Variants in SGCD observed in about 807,000 individuals in gnomAD.
SGCD encodes the protein delta-sarcoglycan.
A neutral mutation model predicts 36.6 loss-of-function variants in SGCD; 18 were observed. That is an observed-to-expected ratio of 0.49 (90% confidence interval 0.34 to 0.73). SGCD has a LOEUF of 0.73. Ranked by LOEUF, SGCD falls within the 30% of genes least tolerant of loss-of-function variation. The probability of loss-of-function intolerance (pLI) is 0.01; values close to 1 mark genes in which losing one functional copy is unlikely to be tolerated. For missense variants in SGCD, 387 were observed against 346.7 expected (o/e 1.12, Z -0.92); for synonymous variants, 133 against 130.6 (o/e 1.02, Z -0.12).
rs139747781 is a variant in SGCD at position 156,445,832 on chromosome 5, G to A, written c.193-62769G>A. ...CACACGCACATGCACACACACATAC[G>A]CACCCATGCACACACAAACACTGTG... On this transcript the variant is annotated intron_variant, in intron 3 of 8. Transcript: ENST00000337851. 1.5e-3 allele frequency among the ~76,000 whole-genome samples: 231 copies of A among 151,936 alleles called. 3 individuals are homozygous for A. The highest frequency in any genetic ancestry group is 5.0e-3 in the African/African-American group (206 of 41,440).
chr5:156,068,628 G>T (rs917290852), intron 1 of SGCD, among the ~76,000 whole-genome samples: 2 of 151,698 alleles, frequency 1.3e-5, no homozygotes, highest in Non-Finnish European at 2.9e-5. Flanking sequence ...AGTCCTTTGG[G>T]TATATACCCA....
intron 1 of SGCD, among the ~76,000 whole-genome samples, chr5:155,956,805 C>CT (rs1757664304): frequency 1.3e-5 from 2 of 150,682 alleles, no homozygotes; most frequent in African/African-American, 4.9e-5. Context: ...GGGCCCCCCC[C>CT]CCCGGTTAAT....
chr5:156,094,730 T>A (rs886627251), intron 1 of SGCD, among the ~76,000 whole-genome samples: 1 of 152,148 alleles, frequency 6.6e-6, no homozygotes, highest in Non-Finnish European at 1.5e-5. Flanking sequence ...TGGCTGGGCA[T>A]GGTGACTTAC....
intron 3 of SGCD, among the ~76,000 whole-genome samples, chr5:156,304,720 G>A (rs1767157270): frequency 6.6e-6 from 1 of 152,176 alleles, no homozygotes; most frequent in African/African-American, 2.4e-5. Flanking sequence ...ACTGGAAAAT[G>A]TGGGAAAGTT....
chr5:156,602,366 T>A (rs1254626234), intron 6 of SGCD, among the ~76,000 whole-genome samples: 3 of 152,182 alleles, frequency 2.0e-5, no homozygotes, highest in African/African-American at 7.2e-5. Flanking sequence ...GTGGAATCTT[T>A]AGGGTTTTCC....
intron 3 of SGCD, among the ~76,000 whole-genome samples, chr5:156,214,870 C>A (rs1001853247): frequency 6.6e-6 from 1 of 151,994 alleles, no homozygotes; most frequent in African/African-American, 2.4e-5. Context: ...TCAATAAATT[C>A]TGTTGGGATA....
rs570082551 is a variant in SGCD, at chr5:156,465,591, C to T, written c.193-43010C>T. ...ATTCATGATCTTCTACCCTGGAGGC[C>T]GCCTCCAAGAGCATCTCTCTTTCAT... On this transcript the variant is annotated intron_variant, in intron 3 of 8. Transcript: ENST00000337851. Among the ~76,000 whole-genome samples the T allele has an allele frequency of 2.0e-4, 31 of 152,216 alleles. No individual in the cohort carries two copies. The South Asian group carries it at 3.3e-3, about 16-fold the overall frequency.
chr5:155,843,431 C>G, the SGCD span, among the ~76,000 whole-genome samples: 1 of 152,130 alleles, frequency 6.6e-6, no homozygotes, highest in African/African-American at 2.4e-5. Flanking sequence ...CACTGATACT[C>G]ACGCTGAGGT....
intron 4 of SGCD, among the ~76,000 whole-genome samples, chr5:156,543,250 C>T (rs1289435510): frequency 6.6e-6 from 1 of 152,188 alleles, no homozygotes; most frequent in Non-Finnish European, 1.5e-5. Context: ...CCCCCATATA[C>T]ACTAGTCATG....
At chr5:156,643,671 A>G (rs964486949) in intron 6 of SGCD, among the ~76,000 whole-genome samples, 1 of 152,262 alleles carries the variant, frequency 6.6e-6, no homozygotes, top group Middle Eastern at 3.4e-3. Flanking sequence ...TTGGTTTCTC[A>G]GTATTTGGGT....
intron 7 of SGCD, among the ~76,000 whole-genome samples, chr5:156,692,733 G>C (rs947005415): frequency 2.6e-5 from 4 of 152,134 alleles, no homozygotes; most frequent in Non-Finnish European, 5.9e-5. Flanking sequence ...GTGTTTTTTA[G>C]TGTGTAATAT....
At chr5:155,991,334 A>T (rs1198134492) in intron 1 of SGCD, among the ~76,000 whole-genome samples, 2 of 152,182 alleles carry the variant, frequency 1.3e-5, no homozygotes, top group Admixed American at 6.5e-5. Flanking sequence ...GCTTAGGGGA[A>T]TATGAAGCAT....
At chr5:155,775,728 C>A in the SGCD span, among the ~76,000 whole-genome samples, 3 of 150,754 alleles carry the variant, frequency 2.0e-5, no homozygotes, top group African/African-American at 7.5e-5. Context: ...ATTATGCAGG[C>A]ATTCACTAAA....
intron 1 of SGCD, among the ~76,000 whole-genome samples, chr5:156,327,583 A>T (rs1329202059): frequency 5.9e-5 from 9 of 152,210 alleles, no homozygotes. Context: ...CAAGGAAGAT[A>T]ATTTCAGATG....
intron 6 of SGCD, among the ~76,000 whole-genome samples, chr5:156,607,471 C>T (rs1283262493): frequency 6.6e-6 from 1 of 152,164 alleles, no homozygotes; most frequent in African/African-American, 2.4e-5. Flanking sequence ...AGGATTTTTG[C>T]ATCGATGTTC....
intron 3 of SGCD, among the ~76,000 whole-genome samples, chr5:156,443,167 T>G (rs1456596210): frequency 6.6e-6 from 1 of 152,038 alleles, no homozygotes. Flanking sequence ...GTATTTTCAG[T>G]AGAGACAGGG....
At chr5:156,168,338 T>G (rs945666717) in intron 3 of SGCD, among the ~76,000 whole-genome samples, 3 of 151,640 alleles carry the variant, frequency 2.0e-5, no homozygotes, top group Non-Finnish European at 4.4e-5. Context: ...GTGTCACCAC[T>G]ATTTTACCAA....
chr5:156,209,588 A>C (rs2127640238), intron 3 of SGCD, among the ~76,000 whole-genome samples: 1 of 152,356 alleles, frequency 6.6e-6, no homozygotes, highest in African/African-American at 2.4e-5. Context: ...CTCAAGGACA[A>C]GTACTGGACC....
chr5:155,754,639 G>T, the SGCD span, among the ~76,000 whole-genome samples: 8 of 152,196 alleles, frequency 5.3e-5, no homozygotes, highest in Admixed American at 3.9e-4. Flanking sequence ...TTATAAGGTG[G>T]AACATTAAAC....
Sources: gnomAD v4.1 joint callset for allele counts (sites outside exome capture counted in the v4.1 genomes callset) on GRCh38, gnomAD v4.1.1 for gene constraint, MANE v1.5 for transcripts, NCBI Gene and HGNC (gene_info 2026-07-23, HGNC 2026-07-21) for gene names.